RELCH: variants seen among roughly 807,000 people sequenced by gnomAD.
RELCH encodes RAB11-binding protein RELCH.
In RELCH, 41 loss-of-function variants were observed where a neutral mutation model predicts 150.3. The observed-to-expected ratio is 0.27, with a 90% CI of 0.21 to 0.35. The LOEUF (loss-of-function observed/expected upper bound fraction) is 0.35. RELCH is among the 10% of genes least tolerant of loss of function. RELCH has a pLI of 1.00. For synonymous variants in RELCH, 478 were observed against 531.8 expected, an observed-to-expected ratio of 0.90 and a Z score of 1.39; for missense variants, 1,092 against 1,467.8, an observed-to-expected ratio of 0.74 and a Z score of 4.18.
In RELCH at chr18:62,187,684, C is replaced by T. The variant is rs1270721415; in HGVS notation, c.179C>T (p.Pro60Leu). 2 of 1,584,446 alleles carry T rather than the reference C, an allele frequency of 1.3e-6. No homozygotes were observed. The highest frequency in any genetic ancestry group is 1.7e-6 in the Non-Finnish European group (2 of 1,161,690). ...GCGGGCTCGCTGTCGCCACAGGATC[C>T]CGTGGCCTTAGGAAGCAGTGCGCGG... ...GSAGSLSPQD[P>L]VALGSSARPG... is the part of the protein sequence containing the mutation. The change falls in exon 1 of 29, where the codon CCC becomes CTC. Residue 60 changes from proline (P) to leucine (L), a missense_variant. Transcript: ENST00000644646.
chr18:62,249,944 C>A (rs924147000), intron 11 of RELCH, among the ~76,000 whole-genome samples: 1 of 152,006 alleles, frequency 6.6e-6, no homozygotes, highest in Non-Finnish European at 1.5e-5. Context: ...CTGCTTTGAT[C>A]GTATCCCGAG....
chr18:62,279,885 G>A (rs2980981), intron 23 of RELCH, 29 bp downstream of exon 23: 961,422 of 1,425,560 alleles, frequency 0.67, 326,264 homozygotes, highest in East Asian at 0.87. Flanking sequence ...TTTTATATTC[G>A]GCATCCCTTT....
intron 5 of RELCH, among the ~76,000 whole-genome samples, chr18:62,225,613 A>G (rs190024303): frequency 3.3e-5 from 5 of 152,034 alleles, no homozygotes; most frequent in Non-Finnish European, 5.9e-5. Flanking sequence ...CATTAGAGAA[A>G]TGCAAATTCA....
Position 62,261,571 on chromosome 18 carries a change from T to G in RELCH, c.2263T>G (p.Leu755Val). The G allele has an allele frequency of 3.1e-6, 5 of 1,612,208 alleles. No homozygotes were observed. Among genetic ancestry groups the G allele is most frequent in the Non-Finnish European group, 4.2e-6 (5 of 1,178,814 alleles). Residue 755 changes from leucine (L) to valine (V), a missense_variant, in exon 16 of 29, where the codon TTG becomes GTG. Transcript: ENST00000644646. ...LHMYLSALQS[L>V]IPSLFALVLQ... ...CATGTATCTTTCTGCCTTGCAGTCC[T>G]TGATCCCATCTCTCTTTGCATTAGT...
chr18:62,255,793 A>G (rs891168821), intron 13 of RELCH, among the ~76,000 whole-genome samples: 2 of 152,094 alleles, frequency 1.3e-5, no homozygotes, highest in Non-Finnish European at 1.5e-5. Flanking sequence ...TTTCATAATA[A>G]TAAGACACTT....
At chr18:62,255,376 A>G (rs376122774) in intron 12 of RELCH, 31 bp from the exon 13 acceptor site, 1 of 1,471,668 alleles carries the variant, frequency 6.8e-7, no homozygotes, top group African/African-American at 1.4e-5. Context: ...TATGCTGTTT[A>G]TGCTTGATTT....
At chr18:62,194,915 A>G (rs1329244854) in intron 1 of RELCH, among the ~76,000 whole-genome samples, 1 of 152,194 alleles carries the variant, frequency 6.6e-6, no homozygotes, top group Non-Finnish European at 1.5e-5. Context: ...ATGCAATCCT[A>G]TTAACCTTTA....
chr18:62,226,927 C>T (rs2041251005), intron 5 of RELCH, among the ~76,000 whole-genome samples: 1 of 152,044 alleles, frequency 6.6e-6, no homozygotes, highest in Non-Finnish European at 1.5e-5. Context: ...GTGGCTCACA[C>T]CTGTAATCTC....
chr18:62,259,630 A>G (rs938054627), intron 15 of RELCH, among the ~76,000 whole-genome samples: 3 of 151,986 alleles, frequency 2.0e-5, no homozygotes, highest in Admixed American at 2.0e-4. Context: ...ATATAGAAAA[A>G]GCAATCTGAA....
intron 1 of RELCH, among the ~76,000 whole-genome samples, chr18:62,196,551 T>C (rs755980785): frequency 6.6e-6 from 1 of 152,192 alleles, no homozygotes; most frequent in African/African-American, 2.4e-5. Flanking sequence ...TTTCTAAAAT[T>C]TATTAAGTTC....
intron 24 of RELCH, among the ~76,000 whole-genome samples, chr18:62,281,654 A>G (rs2044524822): frequency 6.6e-6 from 1 of 152,230 alleles, no homozygotes; most frequent in African/African-American, 2.4e-5. Context: ...AGATTAGCAC[A>G]TATATTATTT....
At chr18:62,295,125 A>G (rs2045341257) in intron 27 of RELCH, among the ~76,000 whole-genome samples, 2 of 152,196 alleles carry the variant, frequency 1.3e-5, no homozygotes, top group African/African-American at 4.8e-5. Flanking sequence ...AAAGTTTAGT[A>G]TTATATTGAC....
intron 21 of RELCH, among the ~76,000 whole-genome samples, chr18:62,275,136 C>T (rs140613950): frequency 0.021 from 3,190 of 152,194 alleles, 102 homozygotes; most frequent in East Asian, 0.14. Context: ...AGGATGGTCT[C>T]GATCTCTTGA....
chr18:62,188,169 T>G, intron 1 of RELCH, 138 bp downstream of exon 1: 1 of 1,024,478 alleles, frequency 9.8e-7, no homozygotes, highest in Non-Finnish European at 1.4e-6. Flanking sequence ...GGGGCGCTCT[T>G]TTGCGGTGGA....
intron 1 of RELCH, among the ~76,000 whole-genome samples, chr18:62,209,795 A>G (rs1220234228): frequency 6.6e-6 from 1 of 152,056 alleles, no homozygotes; most frequent in East Asian, 1.9e-4. Flanking sequence ...ATTTCTTTGG[A>G]CAATGTTTTG....
rs1712476218 is a variant in RELCH, at chr18:62,221,264, C to G, written c.734C>G (p.Pro245Arg). ...LQERKNYKSS[P>R]EIQEPIKPLE... ...GAACGAAAAAATTACAAATCAAGTC[C>G]TGAAATTCAGGTGGGTGACAGAAGA... The change falls in exon 4 of 29, where the codon CCT becomes CGT. Residue 245 changes from proline to arginine, a missense_variant. Pro to Arg is a moderately radical substitution (Grantham distance 103). This residue lies in a region of RELCH where 190 missense variants were observed against 276.2 expected (regional missense o/e 0.69). Coordinates refer to ENST00000644646, the MANE Select transcript of RELCH (RefSeq NM_001346231.2). 2 of 1,610,270 alleles carry G rather than the reference C, an allele frequency of 1.2e-6. No homozygotes were observed. The highest frequency in any genetic ancestry group is 2.7e-5 in the African/African-American group (2 of 74,740).
chr18:62,189,965 G>A (rs2038500840), intron 1 of RELCH, among the ~76,000 whole-genome samples: 1 of 152,042 alleles, frequency 6.6e-6, no homozygotes, highest in Non-Finnish European at 1.5e-5. Flanking sequence ...TTGTCTCTAT[G>A]TGTGTGTGTA....
chr18:62,288,486 C>A (rs2044936568), intron 26 of RELCH, among the ~76,000 whole-genome samples: 1 of 151,914 alleles, frequency 6.6e-6, no homozygotes, highest in African/African-American at 2.4e-5. Context: ...CAGAATAAAC[C>A]AAATAGAGAA....
intron 1 of RELCH, among the ~76,000 whole-genome samples, chr18:62,192,545 A>G (rs1166051909): frequency 1.3e-5 from 2 of 152,142 alleles, no homozygotes; most frequent in Non-Finnish European, 2.9e-5. Context: ...TCTTTAATCC[A>G]CCTTGAGTTA....
Sources: allele counts gnomAD v4.1 joint callset (sites outside exome capture counted in the v4.1 genomes callset), GRCh38; gene constraint gnomAD v4.1.1; regional missense constraint gnomAD v4.1.1; transcripts MANE v1.5; gene names NCBI Gene and HGNC (gene_info 2026-07-23, HGNC 2026-07-21).